Variants in BCAP29 observed in about 807,000 individuals in gnomAD.
BCAP29 encodes B cell receptor associated protein 29.
A neutral mutation model predicts 31.8 loss-of-function variants in BCAP29; 34 were observed. The observed-to-expected ratio is 1.07, with a 90% CI of 0.81 to 1.42. The LOEUF (loss-of-function observed/expected upper bound fraction) is 1.42, where lower values mean the gene tolerates loss of function less well. Among genes scored for constraint, BCAP29 ranks in the 40% most tolerant of loss-of-function variants. The probability of loss-of-function intolerance (pLI) is 0.00; values close to 1 mark genes in which losing one functional copy is unlikely to be tolerated. For synonymous variants in BCAP29, 104 were observed against 91.3 expected, an observed-to-expected ratio of 1.14 and a Z score of -0.79; for missense variants, 314 against 269.2, an observed-to-expected ratio of 1.17 and a Z score of -1.16.
rs1159563739 is a variant in BCAP29 at position 107,613,442 on chromosome 7, A to G, written c.690+10A>G. Reference sequence around the variant, plus strand: ...ACACTCTGAACTTCAGGTGGGTGTGACATGCACTTTATGCACCTAAATGTT... The same window carrying G: ...ACACTCTGAACTTCAGGTGGGTGTGGCATGCACTTTATGCACCTAAATGTT... On this transcript the variant is annotated intron_variant, in intron 7 of 7. Transcript: ENST00000005259. 3 of 1,578,246 alleles carry G rather than the reference A, an allele frequency of 1.9e-6. No individual in the cohort carries two copies. The African/African-American group carries it at 4.1e-5, about 21-fold the overall frequency.
chr7:107,583,844 A>C (rs1807139601), intron 2 of BCAP29, 38 bp from the exon 3 acceptor site: 1 of 1,047,500 alleles, frequency 9.5e-7, no homozygotes, highest in African/African-American at 1.7e-5. Flanking sequence ...ACTTTATTTT[A>C]GTTTTTTTAT....
intron 4 of BCAP29, 170 bp from the exon 5 acceptor site, chr7:107,595,697 G>C (rs1205372585): frequency 1.8e-6 from 1 of 568,800 alleles, no homozygotes; most frequent in Non-Finnish European, 2.8e-6. Flanking sequence ...ATGAGACACG[G>C]GCCTGTTTTT....
intron 7 of BCAP29, chr7:107,615,529 G>A: frequency 6.3e-6 from 2 of 318,904 alleles, no homozygotes; most frequent in Non-Finnish European, 1.3e-5. Context: ...CTGGGAGGCA[G>A]AGGTTGCAGT....
At chr7:107,590,260 C>A (rs948754792) in intron 3 of BCAP29, among the ~76,000 whole-genome samples, 1 of 151,958 alleles carries the variant, frequency 6.6e-6, no homozygotes, top group Admixed American at 6.5e-5. Context: ...ATAATATTCA[C>A]TCAGTTGTTT....
chr7:107,590,433 G>A (rs1166499701), intron 3 of BCAP29, among the ~76,000 whole-genome samples: 1 of 151,952 alleles, frequency 6.6e-6, no homozygotes, highest in Non-Finnish European at 1.5e-5. Flanking sequence ...TCCTAGCCAG[G>A]GTAATAATAA....
chr7:107,596,046 C>A, intron 5 of BCAP29, 44 bp downstream of exon 5: 1 of 1,488,358 alleles, frequency 6.7e-7, no homozygotes, highest in South Asian at 1.4e-5. Flanking sequence ...TTGGTGTTCC[C>A]GAGGAGTAAT....
In BCAP29 at chr7:107,618,432, T is replaced by C; in HGVS notation, c.*69T>C. 2 of 1,612,960 alleles carry C rather than the reference T, an allele frequency of 1.2e-6. No homozygotes were observed. The highest frequency in any genetic ancestry group is 2.2e-5 in the East Asian group (1 of 44,724). On this transcript the variant is annotated 3_prime_UTR_variant, in exon 8 of 8. Transcript: ENST00000005259. ...TTTTGTTATGTTAGCCTCTAGAAAA[T>C]TTAAGTTCAGAAAAATGCACTATGA... is the stretch of plus-strand genomic sequence containing the variant.
chr7:107,605,629 T>TCA (rs1169136151), intron 6 of BCAP29, among the ~76,000 whole-genome samples: 1 of 152,250 alleles, frequency 6.6e-6, no homozygotes, highest in East Asian at 1.9e-4. Context: ...AGTCGATGTG[T>TCA]CACACTAGGT....
chr7:107,594,300 C>T (rs982422329), intron 4 of BCAP29, 195 bp downstream of exon 4: 1 of 544,954 alleles, frequency 1.8e-6, no homozygotes, highest in Non-Finnish European at 3.2e-6. Context: ...GTGATCCTGC[C>T]TCTTCAACCT....
In BCAP29 at chr7:107,595,967, A is replaced by G; in HGVS notation, c.445A>G (p.Lys149Glu). 6.3e-7 allele frequency: 1 copy of G among 1,578,438 alleles called. No homozygotes were observed. ...TQAENTNKAAKKFMEENEKLK... is the reference protein window; with the variant it reads ...TQAENTNKAAEKFMEENEKLK... The stretch of plus-strand genomic sequence containing the variant: ...AGCAGAAAATACTAACAAGGCTGCC[A>G]AAAAATTTATGGAAGAAAACGAAAA... Residue 149 changes from lysine (K) to glutamate (E), a missense_variant, in exon 5 of 8, where the codon AAA (lysine) becomes GAA (glutamate). Coordinates refer to ENST00000005259, the MANE Select transcript of BCAP29 (RefSeq NM_018844.4).
intron 7 of BCAP29, among the ~76,000 whole-genome samples, chr7:107,614,487 T>G (rs1813772006): frequency 6.6e-6 from 1 of 152,198 alleles, no homozygotes. Flanking sequence ...TGTGTAGGTT[T>G]TTTAGCACTA....
chr7:107,580,207 G>GCCCTGGCT (rs1462297806), upstream of BCAP29: 7 of 152,124 alleles, frequency 4.6e-5, no homozygotes, highest in African/African-American at 1.7e-4. Flanking sequence ...GCGGGGTGGG[G>GCCCTGGCT]CCCTGGCTCC....
chr7:107,618,040 CAGT>C (rs1282897082), intron 7 of BCAP29, among the ~76,000 whole-genome samples: 1 of 152,090 alleles, frequency 6.6e-6, no homozygotes, highest in African/African-American at 2.4e-5. Context: ...ATTGGGTTAA[CAGT>C]AGGGGAATTT....
chr7:107,599,295 AT>A (rs1462114512), intron 5 of BCAP29, among the ~76,000 whole-genome samples: 9 of 23,382 alleles, frequency 3.8e-4, no homozygotes, highest in African/African-American at 7.2e-4. Flanking sequence ...TTATATATAA[AT>A]TATATATAAA....
At chr7:107,596,767 C>G (rs1316413604) in intron 5 of BCAP29, among the ~76,000 whole-genome samples, 1 of 151,862 alleles carries the variant, frequency 6.6e-6, no homozygotes, top group Non-Finnish European at 1.5e-5. Flanking sequence ...TCATACATAC[C>G]ATACTTAATA....
downstream of BCAP29, chr7:107,621,838 G>A (rs376481325): frequency 5.7e-6 from 3 of 527,022 alleles, no homozygotes; most frequent in Non-Finnish European, 1.2e-5. Flanking sequence ...CTGGCCTCCA[G>A]AACTATGGGA....
Position 107,580,847 on chromosome 7 carries a change from T to G in BCAP29, c.75T>G (p.Pro25=). ...EIGLILIFCL[P]FIPPQRWQKI... is the part of the protein sequence containing the mutation. ...GACTCATTTTAATCTTCTGCCTACC[T>G]TTTATTCCTCCTCAGAGGTAGGAAA... The change falls in exon 2 of 8, where the codon CCT becomes CCG. Residue 25 remains proline (P), a synonymous_variant. Coordinates refer to ENST00000005259, the MANE Select transcript of BCAP29 (RefSeq NM_018844.4). The G allele has an allele frequency of 6.3e-7, 1 of 1,590,816 alleles. No homozygotes were observed. The highest frequency in any genetic ancestry group is 1.1e-5 in the South Asian group (1 of 87,748).
intron 6 of BCAP29, chr7:107,603,369 G>A (rs902950808): frequency 6.6e-6 from 1 of 152,092 alleles, no homozygotes; most frequent in Non-Finnish European, 1.5e-5. Flanking sequence ...TGAGCTGCAT[G>A]TGGAAATGTC....
At chr7:107,594,322 GACTACAGGCGGC>G (rs1809413161) in intron 4 of BCAP29, 2 of 510,642 alleles carry the variant, frequency 3.9e-6, no homozygotes, top group African/African-American at 3.9e-5. Flanking sequence ...TCATTTCTAG[GACTACAGGCGGC>G]ACACCACCAT....
Sources: gnomAD v4.1 joint callset for allele counts (sites outside exome capture counted in the v4.1 genomes callset) on GRCh38, gnomAD v4.1.1 for gene constraint, MANE v1.5 for transcripts, NCBI Gene and HGNC (gene_info 2026-07-23, HGNC 2026-07-21) for gene names.